Variants in HAT1 observed in about 807,000 individuals in gnomAD.
The protein encoded by HAT1 is histone acetyltransferase 1, also known as histone acetyltransferase type B catalytic subunit.
HAT1 carries 20 observed loss-of-function variants against 56.6 expected under a neutral mutation model. The observed-to-expected ratio is 0.35, with a 90% CI of 0.25 to 0.51. The LOEUF (loss-of-function observed/expected upper bound fraction) is 0.51. Ranked by LOEUF, HAT1 falls within the 20% of genes least tolerant of loss-of-function variation. The pLI is 0.95. For missense variants in HAT1, 408 were observed against 504.3 expected (o/e 0.81, Z 1.83); for synonymous variants, 146 against 165.5 (o/e 0.88, Z 0.91).
At chr2:171,972,785 G>C (rs1687852571) in intron 8 of HAT1, among the ~76,000 whole-genome samples, 1 of 152,206 alleles carries the variant, frequency 6.6e-6, no homozygotes, top group Non-Finnish European at 1.5e-5. Context: ...TGACAAACAT[G>C]AATCATCTTT....
At chr2:171,955,926 T>C (rs867343227) in intron 4 of HAT1, among the ~76,000 whole-genome samples, 5 of 151,786 alleles carry the variant, frequency 3.3e-5, no homozygotes, top group Middle Eastern at 3.4e-3. Flanking sequence ...ATGCCTGTAA[T>C]CCCAGCTACT....
chr2:171,934,269 G>T (rs1469717532), intron 2 of HAT1, among the ~76,000 whole-genome samples: 1 of 152,158 alleles, frequency 6.6e-6, no homozygotes, highest in African/African-American at 2.4e-5. Context: ...CAGAGAAGGG[G>T]GAAATAATAC....
chr2:171,958,317 TTC>T (rs1230066762), intron 4 of HAT1, among the ~76,000 whole-genome samples: 7 of 151,876 alleles, frequency 4.6e-5, no homozygotes, highest in Admixed American at 2.0e-4. Context: ...TTACTGCTTT[TTC>T]TCTCTCTCTC....
intron 2 of HAT1, among the ~76,000 whole-genome samples, chr2:171,932,440 A>G (rs1686771284): frequency 6.6e-6 from 1 of 152,184 alleles, no homozygotes; most frequent in Admixed American, 6.5e-5. Flanking sequence ...CATCTAATAA[A>G]TAGATTTAAT....
At position 171,983,479 on chromosome 2, in the gene HAT1, A is replaced by G. The variant is rs911305393; in HGVS notation, c.*127A>G. 2.1e-6 allele frequency: 1 copy of G among 481,994 alleles called. No individual in the cohort carries two copies. 29.9% of individuals were successfully genotyped at this position (481,994 alleles called of 1,614,324 possible). A position where few individuals can be genotyped will look rare whatever the true frequency, so the allele number is the denominator to read the frequency against. On this transcript the variant is annotated 3_prime_UTR_variant, in exon 11 of 11. Transcript: ENST00000264108. ...ACTAAAAGTTATCTATCTTTAGTTG[A>G]ATATTTTCTTTTGGAGAGATTGTAT...
chr2:171,935,475 A>G (rs2105308210), intron 2 of HAT1, among the ~76,000 whole-genome samples: 1 of 135,338 alleles, frequency 7.4e-6, no homozygotes, highest in East Asian at 2.2e-4. Context: ...AGATTGTGCC[A>G]TTGCACTCCA....
At chr2:171,934,003 C>G (rs1035610544) in intron 2 of HAT1, among the ~76,000 whole-genome samples, 1 of 152,138 alleles carries the variant, frequency 6.6e-6, no homozygotes, top group African/African-American at 2.4e-5. Context: ...TGTGGATTGT[C>G]TATGTCTTCA....
At chr2:171,953,653 A>AAAAAAAAAG (rs1687369053) in intron 4 of HAT1, among the ~76,000 whole-genome samples, 1 of 129,822 alleles carries the variant, frequency 7.7e-6, no homozygotes, top group African/African-American at 2.8e-5. Flanking sequence ...AAAAAAAAAA[A>AAAAAAAAAG]AATTAAGGTT....
At chr2:171,969,804 T>C (rs1687770133) in intron 8 of HAT1, among the ~76,000 whole-genome samples, 1 of 152,164 alleles carries the variant, frequency 6.6e-6, no homozygotes, top group Non-Finnish European at 1.5e-5. Flanking sequence ...CAACTGTAAC[T>C]CATTTTCCTA....
chr2:171,979,788 CAA>C (rs1688088507), intron 10 of HAT1: 1 of 154,086 alleles, frequency 6.5e-6, no homozygotes, highest in East Asian at 1.9e-4. Flanking sequence ...GCCTGGGTGA[CAA>C]GAGCAAAACT....
At chr2:171,954,462 G>A (rs1687391992) in intron 4 of HAT1, among the ~76,000 whole-genome samples, 1 of 152,148 alleles carries the variant, frequency 6.6e-6, no homozygotes, top group African/African-American at 2.4e-5. Flanking sequence ...GAGGTGGGCG[G>A]ATCACCTGAG....
At position 171,966,881 on chromosome 2, in the gene HAT1, A is replaced by G; in HGVS notation, c.755A>G (p.His252Arg). Residue 252 changes from histidine to arginine, a missense_variant, in exon 8 of 11, where the codon CAT (histidine) becomes CGT (arginine). Physicochemically the swap from His to Arg is conservative, Grantham distance 29. Coordinates refer to ENST00000264108, the MANE Select transcript of HAT1 (RefSeq NM_003642.4). ...LILTPFQGQG[H>R]GAQLLETVHR... The stretch of plus-strand genomic sequence containing the variant: ...TTGACTCCATTTCAAGGTCAAGGCC[A>G]TGGTGCTCAACTTCTTGAAACAGTT... 1.3e-6 allele frequency: 2 copies of G among 1,594,830 alleles called. No homozygotes were observed. The highest frequency in any genetic ancestry group is 1.7e-6 in the Non-Finnish European group (2 of 1,163,078).
intron 2 of HAT1, among the ~76,000 whole-genome samples, chr2:171,928,198 T>C (rs1686646787): frequency 6.6e-6 from 1 of 152,202 alleles, no homozygotes; most frequent in Non-Finnish European, 1.5e-5. Flanking sequence ...GGAAATGATA[T>C]TTTAAAGCCA....
At chr2:171,941,565 A>T (rs887274245) in intron 2 of HAT1, among the ~76,000 whole-genome samples, 2 of 152,104 alleles carry the variant, frequency 1.3e-5, no homozygotes, top group African/African-American at 4.8e-5. Flanking sequence ...TCCACCTCAG[A>T]TCATCAGGCA....
chr2:171,976,017 A>AATCT (rs779090800), intron 8 of HAT1, 140 bp from the exon 9 acceptor site: 2 of 974 alleles, frequency 2.1e-3, no homozygotes, highest in Non-Finnish European at 9.3e-3. Flanking sequence ...GCAGTGGTAG[A>AATCT]ACCTCCACCT....
chr2:171,922,463 T>C lies in HAT1; in HGVS notation c.-38T>C. The C allele has an allele frequency of 1.5e-6, 2 of 1,317,778 alleles. No individual in the cohort carries two copies. The highest frequency in any genetic ancestry group is 2.0e-6 in the Non-Finnish European group (2 of 1,023,992). 81.6% of individuals were successfully genotyped at this position (1,317,778 alleles called of 1,614,324 possible). A position where few individuals can be genotyped will look rare whatever the true frequency, so the allele number is the denominator to read the frequency against. ...TCCGGCCCGGGAGCGCGCGGGTTGA[T>C]TCGTCCTTCCTCAGCCGCGGGTGAT... On this transcript the variant is annotated 5_prime_UTR_variant, in exon 1 of 11. Coordinates refer to ENST00000264108, the MANE Select transcript of HAT1 (RefSeq NM_003642.4).
At position 171,937,077 on chromosome 2, in the gene HAT1, C is replaced by T. The variant is rs199753602; in HGVS notation, c.113-9631C>T. Among the ~76,000 whole-genome samples, 5 of 152,238 alleles carry T rather than the reference C, an allele frequency of 3.3e-5. No individual in the cohort carries two copies. The East Asian group carries it at 9.6e-4, about 29-fold the overall frequency. On this transcript the variant is annotated intron_variant, in intron 2 of 10. Coordinates refer to ENST00000264108, the MANE Select transcript of HAT1 (RefSeq NM_003642.4). ...TCAAGTGATCCTTCCACCTCAGCCTCCTGAGTAGCTGGGACTACAGATGTG... is the reference window on the plus strand; with the variant it reads ...TCAAGTGATCCTTCCACCTCAGCCTTCTGAGTAGCTGGGACTACAGATGTG...
intron 2 of HAT1, among the ~76,000 whole-genome samples, chr2:171,927,175 T>C (rs188232675): frequency 1.3e-5 from 2 of 152,346 alleles, no homozygotes; most frequent in African/African-American, 4.8e-5. Context: ...TTGGGAATTA[T>C]GGAAATGTTT....
At chr2:171,967,694 CTG>C (rs780272319) in intron 8 of HAT1, among the ~76,000 whole-genome samples, 2 of 152,052 alleles carry the variant, frequency 1.3e-5, no homozygotes, top group Non-Finnish European at 2.9e-5. Flanking sequence ...GCTGATGAAA[CTG>C]AAAGTTACCT....
Sources: gnomAD v4.1 joint callset for allele counts (sites outside exome capture counted in the v4.1 genomes callset) on GRCh38, gnomAD v4.1.1 for gene constraint, MANE v1.5 for transcripts, NCBI Gene and HGNC (gene_info 2026-07-23, HGNC 2026-07-21) for gene names.